The following KCNJ12 variants were observed in gnomAD, a reference collection of about 807,000 sequenced individuals.
The protein encoded by KCNJ12 is potassium inwardly rectifying channel subfamily J member 12.
KCNJ12 carries 2 observed loss-of-function variants against 22.3 expected under a neutral mutation model. The ratio of observed to expected loss-of-function variants is 0.09; its 90% confidence interval spans 0.04 to 0.28. The LOEUF is 0.28. Among genes scored for constraint, KCNJ12 ranks in the 10% least tolerant of loss-of-function variants. The pLI is 1.00. For missense variants in KCNJ12, 155 were observed against 633.3 expected (o/e 0.24, Z 8.11); for synonymous variants, 117 against 261.4 (o/e 0.45, Z 5.33).
intron 2 of KCNJ12, among the ~76,000 whole-genome samples, chr17:21,410,686 G>A (rs1454038625): frequency 6.6e-6 from 1 of 152,286 alleles, no homozygotes; most frequent in African/African-American, 2.4e-5. Context: ...GGACCAAAAG[G>A]ATTGCAGTGC....
At chr17:21,391,815 C>T (rs920231423) in intron 1 of KCNJ12, among the ~76,000 whole-genome samples, 1 of 152,254 alleles carries the variant, frequency 6.6e-6, no homozygotes, top group Non-Finnish European at 1.5e-5. Context: ...TCCCCCCACC[C>T]CAGTCTCCTC....
At chr17:21,412,401 C>T (rs1203142886) in intron 2 of KCNJ12, among the ~76,000 whole-genome samples, 2 of 152,424 alleles carry the variant, frequency 1.3e-5, no homozygotes, top group Admixed American at 1.3e-4. Flanking sequence ...ACCGGGCTCT[C>T]TGGCCTTTAA....
intron 1 of KCNJ12, among the ~76,000 whole-genome samples, chr17:21,398,903 C>G (rs1905474873): frequency 6.6e-6 from 1 of 152,252 alleles, no homozygotes; most frequent in South Asian, 2.1e-4. Context: ...TGTGCATAGA[C>G]TAACATCTGC....
chr17:21,408,364 G>A (rs1434964642), intron 1 of KCNJ12, among the ~76,000 whole-genome samples, 155 bp from the exon 2 acceptor site: 1 of 152,378 alleles, frequency 6.6e-6, no homozygotes, highest in East Asian at 1.9e-4. Flanking sequence ...AAGGTGTGGG[G>A]CATCAAAGGT....
chr17:21,410,900 C>T (rs1449833045), intron 2 of KCNJ12, among the ~76,000 whole-genome samples: 4 of 152,310 alleles, frequency 2.6e-5, no homozygotes, highest in African/African-American at 7.2e-5. Context: ...TATTAAAGCT[C>T]TTAGAAGAGC....
At chr17:21,382,795 TCCTGGGGCTCA>T (rs1202069662) in intron 1 of KCNJ12, among the ~76,000 whole-genome samples, 1 of 152,008 alleles carries the variant, frequency 6.6e-6, no homozygotes, top group Admixed American at 6.5e-5. Flanking sequence ...GGAGATTGTC[TCCTGGGGCTCA>T]CCTGGGGAGT....
At chr17:21,399,059 G>T (rs372792976) in intron 1 of KCNJ12, among the ~76,000 whole-genome samples, 3 of 152,192 alleles carry the variant, frequency 2.0e-5, no homozygotes, top group African/African-American at 7.2e-5. Context: ...CACCCCCTCA[G>T]CATTGCTGCA....
In KCNJ12 at chr17:21,419,275, A is replaced by G. The variant is rs1907015698; in HGVS notation, c.*2631A>G. ...CTTCATGTGTATGACTGGGTTAGTA[A>G]TACAGATACGTGATCTATACGTGTG... On this transcript the variant is annotated 3_prime_UTR_variant, in exon 3 of 3. Transcript: ENST00000583088. The G allele has an allele frequency of 1.2e-5, 2 of 165,942 alleles. No individual in the cohort carries two copies. Among genetic ancestry groups the G allele is most frequent in the South Asian group, 2.1e-4 (1 of 4,794 alleles). The allele number at this position is 165,942 out of a possible 1,614,324, so 10.3% of individuals were successfully genotyped here.
chr17:21,381,349 C>G (rs1007142694), intron 1 of KCNJ12, among the ~76,000 whole-genome samples: 4 of 152,118 alleles, frequency 2.6e-5, no homozygotes, highest in Admixed American at 2.6e-4. Flanking sequence ...GGCCATTGTT[C>G]CTTGAGCACT....
At chr17:21,377,812 C>G (rs1403020804) in intron 1 of KCNJ12, among the ~76,000 whole-genome samples, 1 of 152,192 alleles carries the variant, frequency 6.6e-6, no homozygotes, top group African/African-American at 2.4e-5. Context: ...CGGTCTTGTT[C>G]TGGGAGGTTT....
intron 1 of KCNJ12, among the ~76,000 whole-genome samples, chr17:21,402,351 T>C (rs77496009): frequency 0.091 from 2 of 22 alleles, no homozygotes; most frequent in Non-Finnish European, 0.17. Context: ...CCTCAGCCTG[T>C]TTTTTTTTGG....
chr17:21,408,926 C>T (rs1274175705), intron 2 of KCNJ12, among the ~76,000 whole-genome samples: 2 of 152,312 alleles, frequency 1.3e-5, no homozygotes, highest in Non-Finnish European at 2.9e-5. Context: ...ATCTGGTCAC[C>T]CCTATCGTCC....
intron 1 of KCNJ12, among the ~76,000 whole-genome samples, chr17:21,405,694 T>G (rs1905887907): frequency 6.6e-6 from 1 of 152,284 alleles, no homozygotes; most frequent in Non-Finnish European, 1.5e-5. Flanking sequence ...GCACTGCCCC[T>G]GCAGCCCACC....
rs1326722858 is a variant in KCNJ12, at chr17:21,417,525, T to C, written c.*881T>C. ...CCTGTTTTGCTTCTCTCTCCATTTCTGTCCAGGCCTCCGCCCAATTCCACA... is the reference window on the plus strand; with the variant it reads ...CCTGTTTTGCTTCTCTCTCCATTTCCGTCCAGGCCTCCGCCCAATTCCACA... On this transcript the variant is annotated 3_prime_UTR_variant, in exon 3 of 3. Transcript: ENST00000583088. 1.8e-5 allele frequency: 3 copies of C among 167,210 alleles called. No individual in the cohort carries two copies. Among genetic ancestry groups the C allele is most frequent in the Admixed American group, 1.3e-4 (2 of 15,292 alleles). The allele number at this position is 167,210 out of a possible 1,614,324, so 10.4% of individuals were successfully genotyped here.
At chr17:21,410,633 C>T (rs2364016) in intron 2 of KCNJ12, among the ~76,000 whole-genome samples, 2 of 152,420 alleles carry the variant, frequency 1.3e-5, no homozygotes, top group Middle Eastern at 3.4e-3. Context: ...TGCCGATTTG[C>T]AGCAGTCTAC....
intron 1 of KCNJ12, among the ~76,000 whole-genome samples, chr17:21,378,878 C>T (rs185349778): frequency 5.5e-4 from 83 of 152,256 alleles, no homozygotes; most frequent in Admixed American, 1.3e-3. Flanking sequence ...CCAGGCTGCC[C>T]CGGAGGGGAC....
intron 1 of KCNJ12, among the ~76,000 whole-genome samples, chr17:21,401,370 A>G (rs1905615554): frequency 6.6e-6 from 1 of 152,266 alleles, no homozygotes; most frequent in Non-Finnish European, 1.5e-5. Flanking sequence ...GCCATAGAGC[A>G]GAGAGGATTT....
intron 2 of KCNJ12, among the ~76,000 whole-genome samples, chr17:21,413,088 G>C (rs1242313630): frequency 7.2e-5 from 10 of 138,500 alleles, no homozygotes; most frequent in South Asian, 2.5e-4. Flanking sequence ...CAGCCTGGCC[G>C]GGCAGGCGGC....
At chr17:21,388,869 C>A (rs562581453) in intron 1 of KCNJ12, among the ~76,000 whole-genome samples, 1 of 152,304 alleles carries the variant, frequency 6.6e-6, no homozygotes, top group African/African-American at 2.4e-5. Flanking sequence ...GCTGGGCCCC[C>A]CCCGAGGGAA....
Sources: allele counts gnomAD v4.1 joint callset (sites outside exome capture counted in the v4.1 genomes callset), GRCh38; gene constraint gnomAD v4.1.1; transcripts MANE v1.5; gene names NCBI Gene and HGNC (gene_info 2026-07-23, HGNC 2026-07-21).